EPG5: variants seen among roughly 807,000 people sequenced by gnomAD.
EPG5 encodes the protein ectopic P-granules 5 autophagy tethering factor, also known as ectopic P granules protein 5 homolog.
A neutral mutation model predicts 302.7 loss-of-function variants in EPG5; 159 were observed. That is an observed-to-expected ratio of 0.53 (90% CI 0.46 to 0.60). The LOEUF is 0.60. Ranked by LOEUF, EPG5 falls within the 20% of genes least tolerant of loss-of-function variation. EPG5 has a pLI of 0.00. For synonymous variants in EPG5, 1,158 were observed against 1,136.8 expected, an observed-to-expected ratio of 1.02 and a Z score of -0.37; for missense variants, 2,896 against 3,092.4, an observed-to-expected ratio of 0.94 and a Z score of 1.51.
chr18:45,896,092 G>C (rs2049465537), intron 27 of EPG5, among the ~76,000 whole-genome samples: 1 of 152,152 alleles, frequency 6.6e-6, no homozygotes, highest in South Asian at 2.1e-4. Context: ...TTATCTTCAA[G>C]TCCTAGAAGT....
chr18:45,936,927 T>TC (rs760579764), intron 10 of EPG5, among the ~76,000 whole-genome samples: 2 of 151,944 alleles, frequency 1.3e-5, no homozygotes, highest in African/African-American at 4.8e-5. Context: ...GCATGCCTAA[T>TC]CCACATCTAT....
chr18:45,838,793 G>A, the EPG5 span: 1 of 1,561,178 alleles, frequency 6.4e-7, no homozygotes, highest in Non-Finnish European at 8.6e-7. Flanking sequence ...ACTGCCGAAG[G>A]GGAGCCGCCG....
intron 11 of EPG5, among the ~76,000 whole-genome samples, chr18:45,934,175 G>A (rs1439851732): frequency 6.6e-6 from 1 of 152,066 alleles, no homozygotes; most frequent in Non-Finnish European, 1.5e-5. Flanking sequence ...TGTAAGCCCA[G>A]CTACTCAGGA....
intron 10 of EPG5, among the ~76,000 whole-genome samples, chr18:45,936,151 C>G (rs1336804348): frequency 1.3e-5 from 2 of 152,182 alleles, no homozygotes; most frequent in African/African-American, 4.8e-5. Flanking sequence ...GTGACTCAGA[C>G]TCAAGTGATT....
chr18:45,861,050 C>T (rs2048623897), intron 39 of EPG5, among the ~76,000 whole-genome samples: 2 of 152,156 alleles, frequency 1.3e-5, no homozygotes, highest in South Asian at 4.1e-4. Context: ...TTTTTGCCAA[C>T]TCTTCTAGCT....
chr18:45,951,867 T>C (rs2050916564), intron 3 of EPG5, among the ~76,000 whole-genome samples: 1 of 152,178 alleles, frequency 6.6e-6, no homozygotes, highest in Admixed American at 6.5e-5. Flanking sequence ...AGTACCCTAA[T>C]ACATCCCCCA....
intron 10 of EPG5, among the ~76,000 whole-genome samples, chr18:45,937,257 CACACACACACACACACACACAT>C (rs2050552837): frequency 6.9e-6 from 1 of 145,302 alleles, no homozygotes; most frequent in African/African-American, 2.7e-5. Context: ...CACACACACA[CACACACACACACACACACACAT>C]ATGTATACAC....
chr18:45,916,387 T>C, intron 18 of EPG5, 51 bp downstream of exon 18: 1 of 1,590,706 alleles, frequency 6.3e-7, no homozygotes, highest in East Asian at 2.3e-5. Context: ...GCTAGAGGTC[T>C]TGGTTGGGAA....
chr18:45,919,517 T>TG (rs1335965019), intron 16 of EPG5, among the ~76,000 whole-genome samples: 6 of 151,072 alleles, frequency 4.0e-5, no homozygotes, highest in South Asian at 2.1e-4. Flanking sequence ...ATGTGTGGTT[T>TG]TTTTTTTTTT....
At chr18:45,864,058 T>C (rs2048690345) in intron 39 of EPG5, among the ~76,000 whole-genome samples, 1 of 152,198 alleles carries the variant, frequency 6.6e-6, no homozygotes, top group Admixed American at 6.5e-5. Flanking sequence ...ATAGGATGTA[T>C]ATTAAACCTT....
At chr18:45,872,353 G>C (rs1441847364) in intron 35 of EPG5, among the ~76,000 whole-genome samples, 1 of 152,188 alleles carries the variant, frequency 6.6e-6, no homozygotes, top group African/African-American at 2.4e-5. Context: ...AAAGAAGAGA[G>C]AGCCACACAC....
At chr18:45,933,791 T>C (rs2050453472) in intron 11 of EPG5, among the ~76,000 whole-genome samples, 1 of 152,138 alleles carries the variant, frequency 6.6e-6, no homozygotes, top group Non-Finnish European at 1.5e-5. Flanking sequence ...GATACAGACA[T>C]TTAAAAATTT....
downstream of EPG5, among the ~76,000 whole-genome samples, chr18:45,845,756 G>A (rs560857030): frequency 9.0e-4 from 137 of 152,332 alleles, no homozygotes; most frequent in African/African-American, 1.5e-3. Flanking sequence ...GGCAGGCTGC[G>A]GCCTGCAGGC....
the EPG5 span, among the ~76,000 whole-genome samples, chr18:45,812,341 T>C: frequency 5.6e-3 from 855 of 152,184 alleles, 8 homozygotes; most frequent in African/African-American, 0.019. Context: ...GGCCACACTG[T>C]CCAAGGTAAT....
chr18:45,866,021 T>C (rs2048739045), intron 38 of EPG5, among the ~76,000 whole-genome samples: 2 of 152,268 alleles, frequency 1.3e-5, no homozygotes, highest in South Asian at 4.1e-4. Context: ...AATAACAACA[T>C]TAACCAAACA....
At chr18:45,917,639 T>C (rs1191406285) in intron 17 of EPG5, 40 bp downstream of exon 17, 1 of 1,607,190 alleles carries the variant, frequency 6.2e-7, no homozygotes, top group Admixed American at 1.7e-5. Context: ...CTTGCTGGAC[T>C]GTTTAAGAGT....
chr18:45,867,618 C>T lies in EPG5; in HGVS notation c.6356G>A (p.Cys2119Tyr), dbSNP rs1260290972. The stretch of plus-strand genomic sequence containing the variant: ...CAATAAAATCATCATGAAAAGGAGG[C>T]AGACAATCATGCTGCGGGTTTCTGG... ...PHPETRSMIV[C>Y]LLFMMILLAK... The change falls in exon 37 of 44, where the codon TGC becomes TAC. Residue 2119 changes from cysteine (C) to tyrosine (Y), a missense_variant. Around this residue, in one of 5 missense-constraint regions of EPG5, gnomAD observed 620 missense variants for 704.2 expected, o/e 0.88. Transcript: ENST00000282041. The T allele has an allele frequency of 1.2e-6, 2 of 1,614,096 alleles. No homozygotes were observed. The highest frequency in any genetic ancestry group is 1.7e-5 in the Admixed American group (1 of 60,024).
chr18:45,817,562 A>G, the EPG5 span, among the ~76,000 whole-genome samples: 2 of 152,268 alleles, frequency 1.3e-5, no homozygotes, highest in Non-Finnish European at 2.9e-5. Flanking sequence ...GGCTGCAATC[A>G]TCTGAAGGCA....
rs770160545 is a variant in EPG5, at chr18:45,908,090, T to A, written c.4206-9A>T. On this transcript the variant is annotated splice_polypyrimidine_tract_variant and intron_variant, in intron 23 of 43. Coordinates refer to ENST00000282041, the MANE Select transcript of EPG5 (RefSeq NM_020964.3). ...TATATACATTGAAGAGCCTAAAAGA[T>A]AAAAACATAATTATACGAAACATAA... 6.7e-7 allele frequency: 1 copy of A among 1,498,320 alleles called. No homozygotes were observed. Among genetic ancestry groups the A allele is most frequent in the East Asian group, 2.3e-5 (1 of 42,914 alleles). 92.8% of individuals were successfully genotyped at this position (1,498,320 alleles called of 1,614,324 possible).
Sources: allele counts gnomAD v4.1 joint callset (sites outside exome capture counted in the v4.1 genomes callset), GRCh38; gene constraint gnomAD v4.1.1; regional missense constraint gnomAD v4.1.1; transcripts MANE v1.5; gene names NCBI Gene and HGNC (gene_info 2026-07-23, HGNC 2026-07-21).